IL12B: variants seen among roughly 807,000 people sequenced by gnomAD.
IL12B encodes interleukin 12B.
IL12B carries 27 observed loss-of-function variants against 39.2 expected under a neutral mutation model. That is an observed-to-expected ratio of 0.69 (90% CI 0.51 to 0.95). IL12B has a LOEUF of 0.95. IL12B is among the 40% of genes least tolerant of loss of function. IL12B has a pLI of 0.00. For missense variants in IL12B, 351 were observed against 397.6 expected, an observed-to-expected ratio of 0.88 and a Z score of 1.00; for synonymous variants, 142 against 152.1, an observed-to-expected ratio of 0.93 and a Z score of 0.49.
chr5:159,323,208 G>A lies in IL12B; in HGVS notation c.210C>T (p.Gly70=), dbSNP rs771734221. The A allele has an allele frequency of 6.2e-7, 1 of 1,614,126 alleles. No individual in the cohort carries two copies. The highest frequency in any genetic ancestry group is 8.5e-7 in the Non-Finnish European group (1 of 1,180,018). The change falls in exon 3 of 8, where the codon GGC becomes GGT. Residue 70 remains glycine, a synonymous_variant. Coordinates refer to ENST00000231228, the MANE Select transcript of IL12B (RefSeq NM_002187.3). ...WTLDQSSEVL[G]SGKTLTIQVK... The stretch of plus-strand genomic sequence containing the variant: ...CTTGGATGGTCAGGGTTTTGCCAGA[G>A]CCTAAGACCTCACTGCTCTGGTCCA...
chr5:159,318,928 A>G (rs1562111803), intron 5 of IL12B, 35 bp from the exon 6 acceptor site: 1 of 1,598,012 alleles, frequency 6.3e-7, no homozygotes, highest in Admixed American at 1.7e-5. Flanking sequence ...TATTTTCCTA[A>G]TAAGGCTTTG....
chr5:159,324,772 C>G (rs1488575942), intron 2 of IL12B, among the ~76,000 whole-genome samples: 1 of 152,190 alleles, frequency 6.6e-6, no homozygotes, highest in Non-Finnish European at 1.5e-5. Context: ...ATACACAGTG[C>G]CCTTACATGC....
chr5:159,328,307 C>T (rs763279699), intron 1 of IL12B, among the ~76,000 whole-genome samples: 10 of 151,284 alleles, frequency 6.6e-5, no homozygotes, highest in African/African-American at 1.2e-4. Context: ...CACAGGGCAC[C>T]GGTTAGTACA....
intron 2 of IL12B, 107 bp from the exon 3 acceptor site, chr5:159,323,436 A>G: frequency 9.5e-7 from 1 of 1,052,832 alleles, no homozygotes; most frequent in Non-Finnish European, 1.4e-6. Context: ...AACCTTGTTT[A>G]CAACAAGTAT....
chr5:159,319,403 C>A (rs1754047621), intron 5 of IL12B, among the ~76,000 whole-genome samples: 1 of 152,182 alleles, frequency 6.6e-6, no homozygotes, highest in Non-Finnish European at 1.5e-5. Flanking sequence ...GCTCAATTTG[C>A]TTGTTTATTC....
intron 1 of IL12B, among the ~76,000 whole-genome samples, chr5:159,327,463 G>A (rs1032096606): frequency 6.6e-6 from 1 of 152,248 alleles, no homozygotes; most frequent in Non-Finnish European, 1.5e-5. Context: ...CTTGCTGTAG[G>A]GGTTTAGCTT....
chr5:159,320,517 A>G lies in IL12B; in HGVS notation c.486T>C (p.Ser162=). ...CGCACGTCACCCCTTGGGGGTCAGA[A>G]GAGCTGAAGTCAAAGACAGAAATTA... ...LTFSVKSSRG[S]SDPQGVTCGA... The change falls in exon 5 of 8, where the codon TCT becomes TCC. Residue 162 remains serine (S), a synonymous_variant. Coordinates refer to ENST00000231228, the MANE Select transcript of IL12B (RefSeq NM_002187.3). 6.2e-7 allele frequency: 1 copy of G among 1,613,714 alleles called. No individual in the cohort carries two copies. The highest frequency in any genetic ancestry group is 8.5e-7 in the Non-Finnish European group (1 of 1,179,650).
At chr5:159,329,940 C>G (rs1411855650) in intron 1 of IL12B, among the ~76,000 whole-genome samples, 4 of 152,104 alleles carry the variant, frequency 2.6e-5, no homozygotes, top group African/African-American at 9.7e-5. Context: ...TGGTTGATAT[C>G]ACAACTGACG....
chr5:159,323,276 G>A lies in IL12B; in HGVS notation c.142C>T (p.Leu48Phe). The change falls in exon 3 of 8, where the codon CTC (leucine) becomes TTC (phenylalanine). Residue 48 changes from leucine (L) to phenylalanine (F), a missense_variant. By Grantham distance (22) the Leu-to-Phe change is conservative (BLOSUM62 0). Transcript: ENST00000231228. ...YPDAPGEMVVLTCDTPEEDGI... is the reference protein window; with the variant it reads ...YPDAPGEMVVFTCDTPEEDGI... ...TCTTCTTCAGGGGTGTCACAGGTGAGGACCACCATTTCTCCAGGGGCATCC... is the reference window on the plus strand; with the variant it reads ...TCTTCTTCAGGGGTGTCACAGGTGAAGACCACCATTTCTCCAGGGGCATCC... 1 of 1,614,008 alleles carries A rather than the reference G, an allele frequency of 6.2e-7. No individual in the cohort carries two copies. Among genetic ancestry groups the A allele is most frequent in the Admixed American group, 1.7e-5 (1 of 59,992 alleles).
chr5:159,329,215 G>A (rs780522037), intron 1 of IL12B, among the ~76,000 whole-genome samples: 5 of 152,240 alleles, frequency 3.3e-5, no homozygotes, highest in Middle Eastern at 3.4e-3. Context: ...AGAAAAGGGA[G>A]TTATTATTAA....
chr5:159,317,688 A>C (rs1754012414), intron 6 of IL12B, among the ~76,000 whole-genome samples: 1 of 152,208 alleles, frequency 6.6e-6, no homozygotes, highest in Non-Finnish European at 1.5e-5. Context: ...AGCCTCTATA[A>C]GTGTAGACAT....
At chr5:159,324,956 T>C (rs1754161495) in intron 2 of IL12B, among the ~76,000 whole-genome samples, 1 of 151,768 alleles carries the variant, frequency 6.6e-6, no homozygotes, top group African/African-American at 2.4e-5. Context: ...TGTAAAACCA[T>C]GTGGCACTTT....
chr5:159,328,077 T>C (rs1334109597), intron 1 of IL12B, among the ~76,000 whole-genome samples: 1 of 152,202 alleles, frequency 6.6e-6, no homozygotes, highest in African/African-American at 2.4e-5. Context: ...CTGGGTTGGG[T>C]GACGGAATAT....
Position 159,327,081 on chromosome 5 carries a change from A to T in IL12B, c.1-299T>A, listed in dbSNP as rs550783311. On this transcript the variant is annotated intron_variant, in intron 1 of 7. Coordinates refer to ENST00000231228, the MANE Select transcript of IL12B (RefSeq NM_002187.3). ...AGAGACCTAAGGCAAGCCATCTGAT[A>T]CAATCCTCTTATTTTTAAGATGAGA... Among the ~76,000 whole-genome samples the T allele has an allele frequency of 3.2e-3, 487 of 152,320 alleles. 2 individuals carry two copies. Among genetic ancestry groups the T allele is most frequent in the African/African-American group, 0.011 (463 of 41,572 alleles).
intron 6 of IL12B, among the ~76,000 whole-genome samples, 196 bp downstream of exon 6, chr5:159,318,540 C>T (rs1262741062): frequency 6.6e-6 from 1 of 152,138 alleles, no homozygotes; most frequent in Middle Eastern, 3.2e-3. Context: ...GTAGGCTATA[C>T]CATCTAGGTT....
chr5:159,322,994 T>C, intron 3 of IL12B, 60 bp downstream of exon 3: 2 of 1,519,608 alleles, frequency 1.3e-6, no homozygotes, highest in South Asian at 1.1e-5. Context: ...GTTGTTGTTG[T>C]TGTTTTTAAC....
intron 4 of IL12B, among the ~76,000 whole-genome samples, chr5:159,322,184 T>A (rs540926693): frequency 2.6e-5 from 4 of 152,262 alleles, no homozygotes; most frequent in Admixed American, 2.6e-4. Flanking sequence ...CCCAATAATA[T>A]CCTGCCCCAA....
rs150978155 is a variant in IL12B, at chr5:159,329,037, G to A, written c.-1+1395C>T. On this transcript the variant is annotated intron_variant, in intron 1 of 7. Transcript: ENST00000231228. ...CATTTTTGTGTGTGCAATTTCATAG[G>A]TTTTCTAAACTCTTGAAACCCTTGC... Among the ~76,000 whole-genome samples, 465 of 152,228 alleles carry A rather than the reference G, an allele frequency of 3.1e-3. 2 individuals carry two copies. The highest frequency in any genetic ancestry group is 0.011 in the African/African-American group (449 of 41,534).
intron 2 of IL12B, among the ~76,000 whole-genome samples, 198 bp from the exon 3 acceptor site, chr5:159,323,527 T>A (rs1171062701): frequency 6.6e-6 from 1 of 152,170 alleles, no homozygotes; most frequent in Non-Finnish European, 1.5e-5. Context: ...AACAAAGAGT[T>A]TTATAGCTGC....
Sources: allele counts gnomAD v4.1 joint callset (sites outside exome capture counted in the v4.1 genomes callset), GRCh38; gene constraint gnomAD v4.1.1; transcripts MANE v1.5; gene names NCBI Gene and HGNC (gene_info 2026-07-23, HGNC 2026-07-21).